The following GRAMD1B variants were observed in gnomAD, a reference collection of about 807,000 sequenced individuals.
GRAMD1B encodes the protein GRAM domain containing 1B.
GRAMD1B carries 37 observed loss-of-function variants against 99.7 expected under a neutral mutation model. The observed-to-expected ratio is 0.37, with a 90% confidence interval of 0.29 to 0.49. The LOEUF is 0.49. Ranked by LOEUF, GRAMD1B falls within the 20% of genes least tolerant of loss-of-function variation. The pLI is 0.98. For synonymous variants in GRAMD1B, 427 were observed against 387.6 expected (o/e 1.10, Z -1.19); for missense variants, 888 against 1,009.2 (o/e 0.88, Z 1.63).
chr11:123,485,865 C>T (rs1038295679), intron 2 of GRAMD1B, among the ~76,000 whole-genome samples: 1 of 152,014 alleles, frequency 6.6e-6, no homozygotes, highest in Non-Finnish European at 1.5e-5. Flanking sequence ...CAGGTGTGTG[C>T]CACCATGCCT....
At chr11:123,595,495 T>C (rs1306591251) in intron 6 of GRAMD1B, among the ~76,000 whole-genome samples, 1 of 152,056 alleles carries the variant, frequency 6.6e-6, no homozygotes, top group Non-Finnish European at 1.5e-5. Context: ...GGTTTCTCCA[T>C]GTTGGTCAGG....
At chr11:123,600,413 C>T in intron 7 of GRAMD1B, 55 bp from the exon 8 acceptor site, 2 of 1,144,286 alleles carry the variant, frequency 1.7e-6, no homozygotes, top group Non-Finnish European at 2.6e-6. Flanking sequence ...CCATGTCCCT[C>T]TTAATTATAT....
chr11:123,466,804 G>A (rs911868188), intron 1 of GRAMD1B, among the ~76,000 whole-genome samples: 13 of 152,184 alleles, frequency 8.5e-5, no homozygotes, highest in Admixed American at 7.9e-4. Context: ...TCTGAGTAAA[G>A]GTTTAGTAAG....
At chr11:123,497,785 C>T (rs1194527622) in intron 2 of GRAMD1B, among the ~76,000 whole-genome samples, 1 of 151,686 alleles carries the variant, frequency 6.6e-6, no homozygotes, top group Non-Finnish European at 1.5e-5. Flanking sequence ...CCTGTAATCC[C>T]AGCTACTCAG....
At chr11:123,599,739 T>C (rs1275084) in intron 7 of GRAMD1B, among the ~76,000 whole-genome samples, 124,488 of 151,726 alleles carry the variant, frequency 0.82, 51,311 homozygotes, top group East Asian at 0.99. Flanking sequence ...TCCCAAAGTG[T>C]TGGGATTACA....
At chr11:123,409,928 G>A (rs1003521685) in intron 1 of GRAMD1B, among the ~76,000 whole-genome samples, 4 of 152,194 alleles carry the variant, frequency 2.6e-5, no homozygotes, top group East Asian at 3.9e-4. Context: ...CAATAGTTCC[G>A]TAACTTAGCC....
chr11:123,370,404 G>A (rs1428110001), intron 1 of GRAMD1B, among the ~76,000 whole-genome samples: 1 of 145,170 alleles, frequency 6.9e-6, no homozygotes, highest in African/African-American at 2.6e-5. Flanking sequence ...GCAGTGGTGC[G>A]ATCTTGACTC....
At chr11:123,593,622 G>A (rs572155909) in intron 4 of GRAMD1B, among the ~76,000 whole-genome samples, 17 of 152,234 alleles carry the variant, frequency 1.1e-4, no homozygotes, top group African/African-American at 3.9e-4. Flanking sequence ...ACACAGCCAA[G>A]TGCTCACTCT....
Position 123,591,950 on chromosome 11 carries a change from G to A in GRAMD1B, c.685-2132G>A, listed in dbSNP as rs777304599. On this transcript the variant is annotated intron_variant, in intron 4 of 19. Transcript: ENST00000635736. This position sits in a 1 kb window ranked among gnomAD's most constrained non-coding sequence, Gnocchi z 4.7. ...GTAGCGGCCCCCTCGATTTGCCTGCGGGTTGGAGATGGTGGCCAAACGCCC... is the reference window on the plus strand; with the variant it reads ...GTAGCGGCCCCCTCGATTTGCCTGCAGGTTGGAGATGGTGGCCAAACGCCC... Among the ~76,000 whole-genome samples the A allele has an allele frequency of 2.0e-5, 3 of 152,180 alleles. No individual in the cohort carries two copies. Among genetic ancestry groups the A allele is most frequent in the Admixed American group, 6.5e-5 (1 of 15,282 alleles).
At chr11:123,502,612 TAA>T (rs1462104942) in intron 2 of GRAMD1B, among the ~76,000 whole-genome samples, 2 of 151,830 alleles carry the variant, frequency 1.3e-5, no homozygotes, top group Admixed American at 1.3e-4. Context: ...CCGTCTCTAC[TAA>T]AAATACAAAA....
intron 1 of GRAMD1B, among the ~76,000 whole-genome samples, chr11:123,363,440 T>C (rs116766198): frequency 0.016 from 2,476 of 152,230 alleles, 65 homozygotes; most frequent in African/African-American, 0.057. Context: ...TAAAGAACTG[T>C]TTTGATGAGG....
chr11:123,432,797 G>C (rs1175626563), intron 1 of GRAMD1B, among the ~76,000 whole-genome samples: 3 of 152,142 alleles, frequency 2.0e-5, no homozygotes, highest in African/African-American at 7.2e-5. Flanking sequence ...AACAGGATGA[G>C]CCATGTGTCT....
chr11:123,551,775 G>A (rs959945128), intron 2 of GRAMD1B, among the ~76,000 whole-genome samples: 3 of 152,086 alleles, frequency 2.0e-5, no homozygotes, highest in African/African-American at 7.2e-5. Flanking sequence ...TCCTTTTTGG[G>A]CAGTTATGGT....
chr11:123,466,520 T>G (rs766384133), intron 1 of GRAMD1B, among the ~76,000 whole-genome samples: 36 of 152,092 alleles, frequency 2.4e-4, no homozygotes, highest in Non-Finnish European at 3.7e-4. Flanking sequence ...ACTGACTGAT[T>G]TGGGCATAAA....
At chr11:123,367,421 G>A (rs1946355670) in intron 1 of GRAMD1B, among the ~76,000 whole-genome samples, 1 of 152,194 alleles carries the variant, frequency 6.6e-6, no homozygotes, top group South Asian at 2.1e-4. Context: ...AATCTGAGAA[G>A]GCTTTTTCAG....
chr11:123,546,128 C>T (rs549853801), intron 2 of GRAMD1B, among the ~76,000 whole-genome samples: 1 of 152,366 alleles, frequency 6.6e-6, no homozygotes, highest in African/African-American at 2.4e-5. Flanking sequence ...AATAGCTAGA[C>T]ATAAGTACAA....
At chr11:123,617,054 A>G (rs1954510043) in intron 17 of GRAMD1B, among the ~76,000 whole-genome samples, 1 of 152,190 alleles carries the variant, frequency 6.6e-6, no homozygotes, top group Non-Finnish European at 1.5e-5. Context: ...CACGGATGAC[A>G]CACACGGTAC....
chr11:123,597,129 C>CTTT (rs35382306), intron 7 of GRAMD1B, among the ~76,000 whole-genome samples: 3 of 137,100 alleles, frequency 2.2e-5, no homozygotes, highest in African/African-American at 5.4e-5. Context: ...AGTCCAACTC[C>CTTT]TTTTTTTTTT....
intron 1 of GRAMD1B, among the ~76,000 whole-genome samples, chr11:123,373,054 G>C (rs1290453896): frequency 6.6e-6 from 1 of 152,078 alleles, no homozygotes. Flanking sequence ...CATGAGAATC[G>C]CTTAAGTCCA....
Sources: gnomAD v4.1 joint callset for allele counts (sites outside exome capture counted in the v4.1 genomes callset) on GRCh38, gnomAD v4.1.1 for gene constraint, Gnocchi (gnomAD v3.1) non-coding constraint, MANE v1.5 for transcripts, NCBI Gene and HGNC (gene_info 2026-07-23, HGNC 2026-07-21) for gene names.